ZDHHC3: variants seen among roughly 807,000 people sequenced by gnomAD.
ZDHHC3 encodes zDHHC palmitoyltransferase 3.
A neutral mutation model predicts 30.6 loss-of-function variants in ZDHHC3; 9 were observed. That is an observed-to-expected ratio of 0.29 (90% CI 0.18 to 0.51). ZDHHC3 has a LOEUF of 0.51. Ranked by LOEUF, ZDHHC3 falls within the 20% of genes least tolerant of loss-of-function variation. The probability of loss-of-function intolerance (pLI) is 0.97; values close to 1 mark genes in which losing one functional copy is unlikely to be tolerated. For missense variants in ZDHHC3, 246 were observed against 384.2 expected (o/e 0.64, Z 3.01); for synonymous variants, 136 against 140.2 (o/e 0.97, Z 0.21).
At chr3:44,962,565 C>T (rs1253141989) in intron 1 of ZDHHC3, among the ~76,000 whole-genome samples, 5 of 145,788 alleles carry the variant, frequency 3.4e-5, no homozygotes, top group African/African-American at 1.3e-4. Context: ...GGTATTATAG[C>T]TGTTTGTCCC....
At chr3:44,951,190 C>T (rs1015354059) in intron 2 of ZDHHC3, among the ~76,000 whole-genome samples, 6 of 152,200 alleles carry the variant, frequency 3.9e-5, no homozygotes, top group African/African-American at 1.2e-4. Context: ...GATCACAAAG[C>T]TTCCAAAATA....
chr3:44,929,553 G>A, intron 5 of ZDHHC3, 117 bp from the exon 6 acceptor site: 1 of 1,384,210 alleles, frequency 7.2e-7, no homozygotes, highest in East Asian at 2.5e-5. Context: ...TTCCTCCTGG[G>A]TGCCATAGGT....
In ZDHHC3 at chr3:44,918,316, G is replaced by A. The variant is rs1700347543; in HGVS notation, c.*8373C>T. The A allele has an allele frequency of 1.0e-6, 1 of 985,356 alleles. No individual in the cohort carries two copies. Among genetic ancestry groups the A allele is most frequent in the Non-Finnish European group, 1.2e-6 (1 of 829,894 alleles). 61.0% of individuals were successfully genotyped at this position (985,356 alleles called of 1,614,324 possible). A position where few individuals can be genotyped will look rare whatever the true frequency, so the allele number is the denominator to read the frequency against. ...GTTGTGGCCCAGGTCACCCCCGGGA[G>A]GTCCCTCAGAGGACTGCTGGGGTGT... On this transcript the variant is annotated 3_prime_UTR_variant, in exon 7 of 7. Coordinates refer to ENST00000424952, the MANE Select transcript of ZDHHC3 (RefSeq NM_001135179.2).
chr3:44,942,809 A>G (rs951749696), intron 3 of ZDHHC3, among the ~76,000 whole-genome samples: 3 of 152,252 alleles, frequency 2.0e-5, no homozygotes, highest in Admixed American at 6.5e-5. Context: ...CCGAAGGTCC[A>G]CCGTGTAGCA....
At chr3:44,934,658 G>C (rs545118318) in intron 3 of ZDHHC3, among the ~76,000 whole-genome samples, 1 of 151,150 alleles carries the variant, frequency 6.6e-6, no homozygotes, top group South Asian at 2.1e-4. Context: ...TTGCGAAGCT[G>C]AGATGGGCAG....
chr3:44,929,837 CTGT>C (rs1233615892), intron 5 of ZDHHC3, among the ~76,000 whole-genome samples: 3 of 152,198 alleles, frequency 2.0e-5, no homozygotes, highest in Non-Finnish European at 2.9e-5. Flanking sequence ...GTGGAGAGGC[CTGT>C]CCAGTCCTGC....
intron 6 of ZDHHC3, 89 bp from the exon 7 acceptor site, chr3:44,926,936 T>TA: frequency 3.5e-6 from 5 of 1,439,346 alleles, no homozygotes; most frequent in Non-Finnish European, 4.6e-6. Context: ...GTGAATGGAG[T>TA]AAATGTTTCC....
chr3:44,970,135 A>C (rs1705289119), intron 1 of ZDHHC3, among the ~76,000 whole-genome samples: 1 of 152,216 alleles, frequency 6.6e-6, no homozygotes. Context: ...TGTACTAGGT[A>C]CTAGGGCCTA....
At position 44,934,498 on chromosome 3, in the gene ZDHHC3, T is replaced by G. The variant is rs1323242286; in HGVS notation, c.432-514A>C. Among the ~76,000 whole-genome samples, 3 of 149,568 alleles carry G rather than the reference T, an allele frequency of 2.0e-5. No individual in the cohort carries two copies. The East Asian group carries it at 5.9e-4, about 29-fold the overall frequency. On this transcript the variant is annotated intron_variant, in intron 3 of 6. Coordinates refer to ENST00000424952, the MANE Select transcript of ZDHHC3 (RefSeq NM_001135179.2). ...ACAAAGGACAGAAGAGAGGGCTATT[T>G]CAGAGCAAGGTCAAGGACAGCAGGA...
chr3:44,968,787 T>C (rs1288235750), intron 1 of ZDHHC3, among the ~76,000 whole-genome samples: 1 of 152,202 alleles, frequency 6.6e-6, no homozygotes, highest in African/African-American at 2.4e-5. Flanking sequence ...ATGACACTCA[T>C]TGGGTTACCT....
At chr3:44,965,877 C>A (rs1445376472) in intron 1 of ZDHHC3, among the ~76,000 whole-genome samples, 1 of 152,184 alleles carries the variant, frequency 6.6e-6, no homozygotes, top group Admixed American at 6.5e-5. Flanking sequence ...TTTGGAAGCA[C>A]CTCAAAGTAC....
rs1705975937 is a variant in ZDHHC3, at chr3:44,976,134, T to TGGCGGCGGCCGCGGCTGCAGG, written c.-247_-227dup. 4 of 571,544 alleles carry TGGCGGCGGCCGCGGCTGCAGG rather than the reference T, an allele frequency of 7.0e-6. 1 individual carries two copies. The highest frequency in any genetic ancestry group is 1.0e-3 in the Middle Eastern group (2 of 1,980). 35.4% of individuals were successfully genotyped at this position (571,544 alleles called of 1,614,324 possible). On this transcript the variant is annotated 5_prime_UTR_variant, in exon 1 of 7. Coordinates refer to ENST00000424952, the MANE Select transcript of ZDHHC3 (RefSeq NM_001135179.2). ...GAAGCCCATCGAGCTCTCCCGGCAG[T>TGGCGGCGGCCGCGGCTGCAGG]GGCGGCGGCCGCGGCTGCAGGAGCG...
intron 1 of ZDHHC3, among the ~76,000 whole-genome samples, chr3:44,966,480 T>A (rs1276660643): frequency 6.6e-6 from 1 of 152,220 alleles, no homozygotes; most frequent in Non-Finnish European, 1.5e-5. Context: ...TTTTCTGATA[T>A]GTCTATAACT....
intron 1 of ZDHHC3, among the ~76,000 whole-genome samples, chr3:44,968,141 C>T (rs115979776): frequency 0.014 from 2,182 of 151,296 alleles, 56 homozygotes; most frequent in African/African-American, 0.05. Flanking sequence ...TTTTTTTTTT[C>T]CACCCAAAGT....
intron 1 of ZDHHC3, among the ~76,000 whole-genome samples, chr3:44,975,008 A>T (rs1378364819): frequency 6.6e-6 from 1 of 151,806 alleles, no homozygotes; most frequent in East Asian, 1.9e-4. Flanking sequence ...GTAGGCTCCC[A>T]ATAGTTATCT....
At position 44,959,057 on chromosome 3, in the gene ZDHHC3, C is replaced by T. The variant is rs1704218037; in HGVS notation, c.306+74G>A. On this transcript the variant is annotated intron_variant, in intron 2 of 6. Coordinates refer to ENST00000424952, the MANE Select transcript of ZDHHC3 (RefSeq NM_001135179.2). The surrounding 1 kb of genome is among the most constrained non-coding windows in gnomAD (Gnocchi z 4.3). ...CCAAGTTCCCAAGGTCCAGGGGGAA[C>T]ATGCAGGCTGTGGCCATGCCAGAGC... 1 of 1,553,142 alleles carries T rather than the reference C, an allele frequency of 6.4e-7. No homozygotes were observed. The highest frequency in any genetic ancestry group is 2.3e-5 in the East Asian group (1 of 44,438).
intron 6 of ZDHHC3, 82 bp downstream of exon 6, chr3:44,929,224 G>A (rs1265667553): frequency 2.6e-6 from 4 of 1,544,412 alleles, no homozygotes; most frequent in Non-Finnish European, 2.6e-6. Flanking sequence ...CAGTCTGACT[G>A]TGAGCAGCTC....
rs558822183 is a variant in ZDHHC3, at chr3:44,918,603, G to A, written c.*8086C>T. ...GGGGCTGCAAACACAGCAGAAGGAC[G>A]ATGGGGTTAAGGAAGGAGTGCAGGA... On this transcript the variant is annotated 3_prime_UTR_variant, in exon 7 of 7. Coordinates refer to ENST00000424952, the MANE Select transcript of ZDHHC3 (RefSeq NM_001135179.2). 15 of 985,320 alleles carry A rather than the reference G, an allele frequency of 1.5e-5. No homozygotes were observed. In the Admixed American group the frequency reaches 1.8e-4, roughly 12 times the overall value. 61.0% of individuals were successfully genotyped at this position (985,320 alleles called of 1,614,324 possible).
intron 1 of ZDHHC3, among the ~76,000 whole-genome samples, chr3:44,971,475 T>A (rs1188919557): frequency 6.6e-6 from 1 of 152,224 alleles, no homozygotes; most frequent in Non-Finnish European, 1.5e-5. Flanking sequence ...AATGATTTTT[T>A]AAAATGCAAA....
Sources: gnomAD v4.1 joint callset for allele counts (sites outside exome capture counted in the v4.1 genomes callset) on GRCh38, gnomAD v4.1.1 for gene constraint, Gnocchi (gnomAD v3.1) non-coding constraint, MANE v1.5 for transcripts, NCBI Gene and HGNC (gene_info 2026-07-23, HGNC 2026-07-21) for gene names.